The following RBBP8 variants were observed in gnomAD, a reference collection of about 807,000 sequenced individuals.
The protein encoded by RBBP8 is DNA endonuclease RBBP8.
Under a neutral mutation model 108.3 loss-of-function variants are expected in RBBP8, and 88 were observed. The observed-to-expected ratio is 0.81, with a 90% CI of 0.68 to 0.97. RBBP8 has a LOEUF of 0.97. Among genes scored for constraint, RBBP8 ranks in the 50% least tolerant of loss-of-function variants. The pLI is 0.00. For synonymous variants in RBBP8, 332 were observed against 348.2 expected (o/e 0.95, Z 0.52); for missense variants, 1,023 against 1,049.0 (o/e 0.98, Z 0.34).
chr18:22,924,127 G>GTTTTTTTTTTTT lies in RBBP8; in HGVS notation c.-153-5247_-153-5236dup, dbSNP rs33978854. Among the ~76,000 whole-genome samples the GTTTTTTTTTTTT allele has an allele frequency of 7.4e-5, 8 of 108,226 alleles. 1 individual carries two copies. Among genetic ancestry groups the GTTTTTTTTTTTT allele is most frequent in the South Asian group, 3.1e-4 (1 of 3,234 alleles). 71.0% of individuals were successfully genotyped at this position (108,226 alleles called of 152,430 possible). On this transcript the variant is annotated intron_variant, in intron 3 of 4. Coordinates refer to the RBBP8 transcript ENST00000577588. ...GCATTTTTTAGTTAGTTTGTTTTTG[G>GTTTTTTTTTTTT]TTTTTTTTTTTTTTTTTTTTGAGAC...
chr18:22,962,663 C>T (rs1479335079), intron 4 of RBBP8, among the ~76,000 whole-genome samples: 1 of 150,692 alleles, frequency 6.6e-6, no homozygotes, highest in Non-Finnish European at 1.5e-5. Flanking sequence ...TTCAAGTGAT[C>T]CCCCCGAGCT....
At chr18:23,017,624 A>T (rs2046281985) in intron 17 of RBBP8, among the ~76,000 whole-genome samples, 1 of 151,006 alleles carries the variant, frequency 6.6e-6, no homozygotes, top group East Asian at 2.0e-4. Context: ...ACTGCACTCC[A>T]GCCTGGGCGA....
At chr18:22,928,445 AAAGAAT>A (rs776697481), upstream of RBBP8, among the ~76,000 whole-genome samples, 4 of 152,148 alleles carry the variant, frequency 2.6e-5, no homozygotes, top group Non-Finnish European at 4.4e-5. Flanking sequence ...CTGAGACTTA[AAAGAAT>A]AAGAAAGATG....
At chr18:22,929,562 G>T (rs1396888648), upstream of RBBP8, 6 of 148,706 alleles carry the variant, frequency 4.0e-5, no homozygotes, top group African/African-American at 7.7e-5. Context: ...ATGTGTGTGT[G>T]TTTAAGAGAC....
intron 14 of RBBP8, among the ~76,000 whole-genome samples, chr18:23,000,089 C>A (rs755740161): frequency 6.6e-6 from 1 of 152,002 alleles, no homozygotes; most frequent in African/African-American, 2.4e-5. Flanking sequence ...AAGTACTTAC[C>A]TTATGGAACG....
chr18:22,930,386 A>G (rs1322389831), upstream of RBBP8, among the ~76,000 whole-genome samples: 1 of 152,148 alleles, frequency 6.6e-6, no homozygotes, highest in Non-Finnish European at 1.5e-5. Flanking sequence ...TTCATTTTCT[A>G]AGCATGCTGA....
chr18:22,922,873 T>C (rs1909650397), intron 3 of RBBP8, among the ~76,000 whole-genome samples: 1 of 152,208 alleles, frequency 6.6e-6, no homozygotes, highest in Non-Finnish European at 1.5e-5. Flanking sequence ...TCCCTTGGAA[T>C]ATAATAAAAC....
rs1910981027 is a variant in RBBP8 at position 22,940,398 on chromosome 18, G to A, written c.109+3438G>A. Among the ~76,000 whole-genome samples, 3 of 147,164 alleles carry A rather than the reference G, an allele frequency of 2.0e-5. No homozygotes were observed. The South Asian group carries it at 6.4e-4, about 31-fold the overall frequency. ...TGCAGTGGCGCGATCTCGGCTCACT[G>A]CAAGCTCCACCTCCTGGATTCATGC... On this transcript the variant is annotated intron_variant, in intron 2 of 18. Coordinates refer to ENST00000327155, the MANE Select transcript of RBBP8 (RefSeq NM_002894.3).
chr18:22,969,003 G>A, intron 5 of RBBP8, 85 bp downstream of exon 5: 2 of 1,009,718 alleles, frequency 2.0e-6, no homozygotes, highest in South Asian at 2.9e-5. Flanking sequence ...TAATTAAATG[G>A]ATGGTTTACA....
At chr18:23,022,601 C>CAAAAATAAATAAAAT in intron 18 of RBBP8, among the ~76,000 whole-genome samples, 1 of 26,086 alleles carries the variant, frequency 3.8e-5, no homozygotes, top group African/African-American at 4.9e-4. Flanking sequence ...GACTCTGTCT[C>CAAAAATAAATAAAAT]AAAAATAAAA....
In RBBP8 at chr18:22,936,801, A is replaced by C; in HGVS notation, c.-51A>C. The C allele has an allele frequency of 6.2e-7, 1 of 1,609,758 alleles. No individual in the cohort carries two copies. The highest frequency in any genetic ancestry group is 8.5e-7 in the Non-Finnish European group (1 of 1,176,760). Reference sequence around the variant, plus strand: ...ACTTGATACCTCTATAATGTAACAGAAAAGGTCAGAAAATATTAAGCAAGT... The same window carrying C: ...ACTTGATACCTCTATAATGTAACAGCAAAGGTCAGAAAATATTAAGCAAGT... On this transcript the variant is annotated 5_prime_UTR_variant, in exon 2 of 19. Transcript: ENST00000327155.
Position 22,987,290 on chromosome 18 carries a change from A to G in RBBP8, c.710-1931A>G, listed in dbSNP as rs186847768. ...GAAAAGTGCTAGAGGAGTGGGGTACAGGGGAAGGTAGGGAGGGAGACTTAC... is the reference window on the plus strand; with the variant it reads ...GAAAAGTGCTAGAGGAGTGGGGTACGGGGGAAGGTAGGGAGGGAGACTTAC... On this transcript the variant is annotated intron_variant, in intron 8 of 18. Transcript: ENST00000327155. Among the ~76,000 whole-genome samples the G allele has an allele frequency of 2.1e-4, 32 of 152,230 alleles. 1 individual carries two copies. Among genetic ancestry groups the G allele is most frequent in the Admixed American group, 1.9e-3 (29 of 15,286 alleles).
At chr18:22,984,618 T>G (rs1299287812) in intron 7 of RBBP8, among the ~76,000 whole-genome samples, 1 of 152,182 alleles carries the variant, frequency 6.6e-6, no homozygotes, top group South Asian at 2.1e-4. Flanking sequence ...ACTAAAATGT[T>G]ACTACTCTAG....
chr18:22,944,364 G>T (rs1911367902), intron 2 of RBBP8, among the ~76,000 whole-genome samples: 1 of 152,040 alleles, frequency 6.6e-6, no homozygotes, highest in Admixed American at 6.6e-5. Flanking sequence ...TCTTAAAATG[G>T]TTTGTGGCAA....
chr18:22,950,520 A>G (rs1350697021), intron 4 of RBBP8, among the ~76,000 whole-genome samples: 1 of 151,368 alleles, frequency 6.6e-6, no homozygotes, highest in African/African-American at 2.4e-5. Flanking sequence ...GCAGTGAGCT[A>G]TGATCGCACT....
chr18:23,004,885 G>A lies in RBBP8; in HGVS notation c.2288-1478G>A, dbSNP rs114694320. 900 of 152,482 alleles carry A rather than the reference G, an allele frequency of 5.9e-3. 10 individuals carry two copies. Among genetic ancestry groups the A allele is most frequent in the South Asian group, 0.028 (137 of 4,830 alleles). The allele number at this position is 152,482 out of a possible 1,614,324, so 9.4% of individuals were successfully genotyped here. On this transcript the variant is annotated intron_variant, in intron 15 of 18. Transcript: ENST00000327155. The stretch of plus-strand genomic sequence containing the variant: ...TCTAAGAAAAATAAATAAGGGAGCC[G>A]GGCACAGTGGCTTACGCCTGTAATC...
chr18:22,938,605 A>G (rs1910781795), intron 2 of RBBP8, among the ~76,000 whole-genome samples: 1 of 152,202 alleles, frequency 6.6e-6, no homozygotes, highest in Non-Finnish European at 1.5e-5. Flanking sequence ...TACTTGTGGT[A>G]ATATGTATGA....
At chr18:22,945,128 A>G (rs527554368) in intron 2 of RBBP8, among the ~76,000 whole-genome samples, 1 of 152,298 alleles carries the variant, frequency 6.6e-6, no homozygotes, top group East Asian at 1.9e-4. Flanking sequence ...TTTATTGGTA[A>G]CTAACTGCCA....
chr18:23,017,594 T>C (rs2046281221), intron 17 of RBBP8, among the ~76,000 whole-genome samples: 1 of 145,498 alleles, frequency 6.9e-6, no homozygotes, highest in Admixed American at 6.9e-5. Flanking sequence ...GCAGAGCTTG[T>C]AGTGAGCCGA....
Sources: allele counts gnomAD v4.1 joint callset (sites outside exome capture counted in the v4.1 genomes callset), GRCh38; gene constraint gnomAD v4.1.1; transcripts MANE v1.5; gene names NCBI Gene and HGNC (gene_info 2026-07-23, HGNC 2026-07-21).